Variants in SPOCK1 observed in about 807,000 individuals in gnomAD.
SPOCK1 encodes the protein SPARC (osteonectin), cwcv and kazal like domains proteoglycan 1.
Under a neutral mutation model 55.3 loss-of-function variants are expected in SPOCK1, and 23 were observed. The ratio of observed to expected loss-of-function variants is 0.42; its 90% CI spans 0.30 to 0.59. The LOEUF (loss-of-function observed/expected upper bound fraction) is 0.59. Among genes scored for constraint, SPOCK1 ranks in the 20% least tolerant of loss-of-function variants. The pLI is 0.22. For missense variants in SPOCK1, 499 were observed against 552.5 expected (o/e 0.90, Z 0.97); for synonymous variants, 226 against 221.0 (o/e 1.02, Z -0.20).
intron 2 of SPOCK1, among the ~76,000 whole-genome samples, chr5:137,492,376 G>A (rs1179996875): frequency 6.6e-6 from 1 of 152,168 alleles, no homozygotes; most frequent in African/African-American, 2.4e-5. Flanking sequence ...GCCACTACAT[G>A]GAACCAAACA....
At chr5:137,128,164 C>T (rs1356715673) in intron 4 of SPOCK1, among the ~76,000 whole-genome samples, 1 of 152,154 alleles carries the variant, frequency 6.6e-6, no homozygotes, top group Non-Finnish European at 1.5e-5. Flanking sequence ...TGTGAAAACA[C>T]AGCAAAAAGA....
At chr5:137,034,882 C>T (rs141771471) in intron 6 of SPOCK1, among the ~76,000 whole-genome samples, 3 of 152,286 alleles carry the variant, frequency 2.0e-5, no homozygotes, top group African/African-American at 4.8e-5. Context: ...CAAAGCGTGT[C>T]TAGGAGGAAA....
intron 2 of SPOCK1, among the ~76,000 whole-genome samples, chr5:137,444,265 C>G (rs1753076587): frequency 6.6e-6 from 1 of 152,194 alleles, no homozygotes; most frequent in African/African-American, 2.4e-5. Flanking sequence ...CTACATCCAA[C>G]CCTACATCAC....
At position 137,006,296 on chromosome 5, in the gene SPOCK1, G is replaced by A. The variant is rs566566341; in HGVS notation, c.590-13696C>T. On this transcript the variant is annotated intron_variant, in intron 6 of 10. Coordinates refer to ENST00000394945, the MANE Select transcript of SPOCK1 (RefSeq NM_004598.4). Reference sequence around the variant, plus strand: ...ATTGAATCTATAAATTACTTTGGGCGGTATGGCCATTTTCACCATACTGAT... The same window carrying A: ...ATTGAATCTATAAATTACTTTGGGCAGTATGGCCATTTTCACCATACTGAT... Among the ~76,000 whole-genome samples, 56 of 152,190 alleles carry A rather than the reference G, an allele frequency of 3.7e-4. 1 individual carries two copies. The South Asian group carries it at 9.8e-3, about 27-fold the overall frequency.
intron 4 of SPOCK1, among the ~76,000 whole-genome samples, chr5:137,127,523 C>G (rs1479789862): frequency 2.0e-5 from 3 of 152,250 alleles, no homozygotes; most frequent in African/African-American, 4.8e-5. Flanking sequence ...GTCTGGCAGG[C>G]AGTACCCCTA....
chr5:137,346,670 A>G (rs1426076454), intron 2 of SPOCK1, among the ~76,000 whole-genome samples: 5 of 152,246 alleles, frequency 3.3e-5, no homozygotes, highest in Admixed American at 1.3e-4. Context: ...GGTTTTCCAG[A>G]CAATTCTCCT....
At chr5:137,272,039 T>C (rs990057299) in intron 2 of SPOCK1, among the ~76,000 whole-genome samples, 4 of 152,194 alleles carry the variant, frequency 2.6e-5, no homozygotes, top group Admixed American at 6.5e-5. Context: ...GGGCAGGTAG[T>C]CATTTTGGAG....
chr5:137,067,083 C>G (rs1752522536), intron 6 of SPOCK1, among the ~76,000 whole-genome samples: 2 of 151,978 alleles, frequency 1.3e-5, no homozygotes, highest in Admixed American at 1.3e-4. Flanking sequence ...ATTCAAACGT[C>G]TATCTTGGGT....
chr5:137,488,905 T>C (rs1401075641), intron 2 of SPOCK1, among the ~76,000 whole-genome samples: 2 of 152,152 alleles, frequency 1.3e-5, no homozygotes, highest in African/African-American at 4.8e-5. Context: ...GTATAATATG[T>C]CCGCCCTTCC....
chr5:137,413,356 C>CA (rs1177286096), intron 2 of SPOCK1, among the ~76,000 whole-genome samples: 1 of 152,022 alleles, frequency 6.6e-6, no homozygotes, highest in Non-Finnish European at 1.5e-5. Flanking sequence ...TGAGCAAAAA[C>CA]AAAAAACCAC....
At position 137,484,745 on chromosome 5, in the gene SPOCK1, C is replaced by T. The variant is rs564375369; in HGVS notation, c.186+13628G>A. On this transcript the variant is annotated intron_variant, in intron 2 of 10. Coordinates refer to ENST00000394945, the MANE Select transcript of SPOCK1 (RefSeq NM_004598.4). ...AAAGACTCATATAACCAAAAATATTCGTCACACAATTATTTAGAATAGGGA... is the reference window on the plus strand; with the variant it reads ...AAAGACTCATATAACCAAAAATATTTGTCACACAATTATTTAGAATAGGGA... Among the ~76,000 whole-genome samples, 11 of 152,216 alleles carry T rather than the reference C, an allele frequency of 7.2e-5. No homozygotes were observed. The South Asian group carries it at 1.7e-3, about 23-fold the overall frequency.
chr5:137,031,244 C>A (rs1751773540), intron 6 of SPOCK1, among the ~76,000 whole-genome samples: 3 of 152,196 alleles, frequency 2.0e-5, no homozygotes, highest in African/African-American at 7.2e-5. Context: ...TACCACCTCA[C>A]ACCCAGGTCC....
chr5:137,263,560 T>G (rs1426796286), intron 3 of SPOCK1, among the ~76,000 whole-genome samples: 1 of 152,204 alleles, frequency 6.6e-6, no homozygotes, highest in Non-Finnish European at 1.5e-5. Context: ...AGAAACCCAT[T>G]TGCATTGGCC....
intron 5 of SPOCK1, among the ~76,000 whole-genome samples, chr5:137,096,137 G>A (rs559576370): frequency 6.6e-6 from 1 of 152,250 alleles, no homozygotes; most frequent in South Asian, 2.1e-4. Context: ...GCCTCCCTGA[G>A]AGATGCCATG....
intron 6 of SPOCK1, among the ~76,000 whole-genome samples, chr5:137,053,311 G>A (rs920850688): frequency 7.2e-5 from 11 of 152,064 alleles, no homozygotes; most frequent in African/African-American, 2.4e-4. Context: ...CCCAGAGAGT[G>A]TAGAGGCCAA....
intron 2 of SPOCK1, among the ~76,000 whole-genome samples, chr5:137,285,014 A>T (rs983539015): frequency 1.3e-5 from 2 of 152,224 alleles, no homozygotes; most frequent in Non-Finnish European, 2.9e-5. Context: ...CAATGTATGG[A>T]GAACAACTCG....
At chr5:137,276,003 C>G (rs1757059832) in intron 2 of SPOCK1, among the ~76,000 whole-genome samples, 1 of 152,204 alleles carries the variant, frequency 6.6e-6, no homozygotes, top group South Asian at 2.1e-4. Context: ...GCTGTTCACA[C>G]TGCCTCAATA....
rs1432709213 is a variant in SPOCK1 at position 137,050,689 on chromosome 5, G to A, written c.589+17026C>T. Among the ~76,000 whole-genome samples, 10 of 152,342 alleles carry A rather than the reference G, an allele frequency of 6.6e-5. 1 individual carries two copies. The Middle Eastern group carries it at 0.02, about 311-fold the overall frequency. ...ACTATTTCTTAAAATTTACTTTAGAGAGGAAGATAAAAATGCCCATTATCT... is the reference window on the plus strand; with the variant it reads ...ACTATTTCTTAAAATTTACTTTAGAAAGGAAGATAAAAATGCCCATTATCT... On this transcript the variant is annotated intron_variant, in intron 6 of 10. Transcript: ENST00000394945.
At chr5:136,999,374 G>A (rs981134407) in intron 6 of SPOCK1, among the ~76,000 whole-genome samples, 4 of 152,080 alleles carry the variant, frequency 2.6e-5, no homozygotes, top group African/African-American at 7.2e-5. Context: ...CCTGTACCCC[G>A]GGACCCCATT....
Sources: gnomAD v4.1 joint callset for allele counts (sites outside exome capture counted in the v4.1 genomes callset) on GRCh38, gnomAD v4.1.1 for gene constraint, MANE v1.5 for transcripts, NCBI Gene and HGNC (gene_info 2026-07-23, HGNC 2026-07-21) for gene names.